GRID2: variants seen among roughly 807,000 people sequenced by gnomAD.
The protein encoded by GRID2 is glutamate receptor ionotropic, delta-2.
GRID2 carries 33 observed loss-of-function variants against 114.8 expected under a neutral mutation model. The ratio of observed to expected loss-of-function variants is 0.29; its 90% CI spans 0.22 to 0.38. The LOEUF is 0.38. GRID2 is among the 10% of genes least tolerant of loss of function. The probability of loss-of-function intolerance (pLI) is 1.00; values close to 1 mark genes in which losing one functional copy is unlikely to be tolerated. For synonymous variants in GRID2, 505 were observed against 449.9 expected (o/e 1.12, Z -1.55); for missense variants, 1,184 against 1,257.7 (o/e 0.94, Z 0.89).
At chr4:93,585,086 CA>C (rs1334852020) in intron 13 of GRID2, among the ~76,000 whole-genome samples, 1 of 151,994 alleles carries the variant, frequency 6.6e-6, no homozygotes, top group Non-Finnish European at 1.5e-5. Flanking sequence ...TTGAGCATCC[CA>C]AAAAACTGTT....
At chr4:92,507,179 G>T (rs987604235) in intron 1 of GRID2, among the ~76,000 whole-genome samples, 8 of 151,846 alleles carry the variant, frequency 5.3e-5, no homozygotes, top group Non-Finnish European at 8.8e-5. Flanking sequence ...ATATTGTGAG[G>T]TTAATGTTTT....
chr4:92,588,678 CAAAAAAA>C (rs1209254541), intron 1 of GRID2, among the ~76,000 whole-genome samples: 776 of 70,312 alleles, frequency 0.011, 6 homozygotes, highest in African/African-American at 0.037. Flanking sequence ...GACTCCGTCT[CAAAAAAA>C]AAAAAAAAAA....
chr4:93,366,546 G>A (rs1347215873), intron 8 of GRID2, among the ~76,000 whole-genome samples: 2 of 152,048 alleles, frequency 1.3e-5, no homozygotes, highest in Non-Finnish European at 2.9e-5. Context: ...GGGTCCTGTG[G>A]TCTTGTGATC....
At chr4:92,867,805 C>A (rs1744981932) in intron 2 of GRID2, among the ~76,000 whole-genome samples, 1 of 152,056 alleles carries the variant, frequency 6.6e-6, no homozygotes, top group South Asian at 2.1e-4. Flanking sequence ...GTATGTACAG[C>A]TATTCAAATG....
rs539840477 is a variant in GRID2, at chr4:93,523,588, A to T, written c.2193+8177A>T. On this transcript the variant is annotated intron_variant, in intron 13 of 15. Coordinates refer to ENST00000282020, the MANE Select transcript of GRID2 (RefSeq NM_001510.4). ...CAGACTTTCCATGAGGGCAGCATTT[A>T]GGAATCCAGGACCAACACAGACTCT... 1.3e-3 allele frequency among the ~76,000 whole-genome samples: 203 copies of T among 152,320 alleles called. 1 individual carries two copies. In the Middle Eastern group the frequency reaches 0.014, roughly 10 times the overall value.
intron 2 of GRID2, chr4:92,885,091 T>TA (rs555021796): frequency 5.6e-4 from 179 of 320,000 alleles, no homozygotes; most frequent in African/African-American, 3.5e-3. Context: ...TTTATTGAAA[T>TA]AAAAAAACTG....
chr4:92,818,967 G>A (rs907471783), intron 2 of GRID2, among the ~76,000 whole-genome samples: 2 of 151,946 alleles, frequency 1.3e-5, no homozygotes, highest in African/African-American at 4.8e-5. Flanking sequence ...TATTTATGAA[G>A]AAGCTTATGT....
At chr4:92,793,648 G>A (rs1054257976) in intron 2 of GRID2, among the ~76,000 whole-genome samples, 6 of 151,762 alleles carry the variant, frequency 4.0e-5, no homozygotes, top group African/African-American at 1.5e-4. Context: ...ATTTATTTTA[G>A]AATTATTAAT....
chr4:93,265,562 G>T (rs957623957), intron 8 of GRID2, among the ~76,000 whole-genome samples: 9 of 151,980 alleles, frequency 5.9e-5, no homozygotes, highest in African/African-American at 2.2e-4. Flanking sequence ...AAGTTCTTAG[G>T]GCATATTTCT....
chr4:93,452,114 A>T (rs920480828), intron 10 of GRID2, among the ~76,000 whole-genome samples: 1 of 152,134 alleles, frequency 6.6e-6, no homozygotes, highest in African/African-American at 2.4e-5. Flanking sequence ...TGAGAAAAGG[A>T]TGTAGGCCCA....
chr4:92,887,568 A>T (rs1030334241), intron 2 of GRID2, among the ~76,000 whole-genome samples: 6 of 152,086 alleles, frequency 3.9e-5, no homozygotes, highest in African/African-American at 1.4e-4. Flanking sequence ...CTTGATTCTG[A>T]TCTCTGCCTC....
rs561692513 is a variant in GRID2, at chr4:93,373,407, A to C, written c.1246-22200A>C. ...ACCAATTTAATTACTTCATATTACA[A>C]TATAGTGACCATTTATATCAGTGTA... On this transcript the variant is annotated intron_variant, in intron 8 of 15. Coordinates refer to ENST00000282020, the MANE Select transcript of GRID2 (RefSeq NM_001510.4). 2.7e-3 allele frequency among the ~76,000 whole-genome samples: 407 copies of C among 152,248 alleles called. 1 individual carries two copies. The highest frequency in any genetic ancestry group is 5.0e-3 in the Non-Finnish European group (343 of 68,006).
chr4:92,354,672 T>C (rs1728230957), intron 1 of GRID2, among the ~76,000 whole-genome samples: 1 of 151,976 alleles, frequency 6.6e-6, no homozygotes, highest in African/African-American at 2.4e-5. Context: ...TCAATCAGAA[T>C]TTATTATATG....
chr4:93,182,305 T>C (rs1383224770), intron 4 of GRID2, among the ~76,000 whole-genome samples: 4 of 152,064 alleles, frequency 2.6e-5, no homozygotes, highest in Non-Finnish European at 1.5e-5. Flanking sequence ...AAATATCTAA[T>C]GATGTTATAC....
At chr4:93,345,485 A>C (rs982386154) in intron 8 of GRID2, among the ~76,000 whole-genome samples, 1 of 152,006 alleles carries the variant, frequency 6.6e-6, no homozygotes, top group Non-Finnish European at 1.5e-5. Context: ...CCCATTTTTC[A>C]ATCAGTTTAT....
intron 8 of GRID2, among the ~76,000 whole-genome samples, chr4:93,264,035 C>G (rs73837741): frequency 6.6e-6 from 1 of 152,112 alleles, no homozygotes; most frequent in Non-Finnish European, 1.5e-5. Flanking sequence ...TCTTGCTGAA[C>G]TTGTCTTTTG....
At chr4:92,865,562 C>A (rs1578340844) in intron 2 of GRID2, among the ~76,000 whole-genome samples, 1 of 152,158 alleles carries the variant, frequency 6.6e-6, no homozygotes, top group East Asian at 1.9e-4. Flanking sequence ...ACATACATAT[C>A]TGATCCTTGC....
chr4:93,764,625 A>G (rs2110321197), intron 14 of GRID2, among the ~76,000 whole-genome samples: 1 of 152,314 alleles, frequency 6.6e-6, no homozygotes, highest in South Asian at 2.1e-4. Context: ...ATGCATCACC[A>G]TGGTGTAAAA....
chr4:92,875,366 A>G (rs567799790), intron 2 of GRID2, among the ~76,000 whole-genome samples: 1 of 151,974 alleles, frequency 6.6e-6, no homozygotes, highest in African/African-American at 2.4e-5. Flanking sequence ...GGGTTTCATT[A>G]TGTTGGCCAG....
Sources: allele counts gnomAD v4.1 joint callset (sites outside exome capture counted in the v4.1 genomes callset), GRCh38; gene constraint gnomAD v4.1.1; transcripts MANE v1.5; gene names NCBI Gene and HGNC (gene_info 2026-07-23, HGNC 2026-07-21).